The following EPHA1 variants were observed in gnomAD, a reference collection of about 807,000 sequenced individuals.
EPHA1 encodes the protein ephrin type-A receptor 1.
A neutral mutation model predicts 110.1 loss-of-function variants in EPHA1; 92 were observed. That is an observed-to-expected ratio of 0.84 (90% CI 0.71 to 0.99). EPHA1 has a LOEUF of 0.99. Among genes scored for constraint, EPHA1 ranks in the 50% least tolerant of loss-of-function variants. EPHA1 has a pLI of 0.00. For synonymous variants in EPHA1, 500 were observed against 516.1 expected, an observed-to-expected ratio of 0.97 and a Z score of 0.42; for missense variants, 1,204 against 1,285.4, an observed-to-expected ratio of 0.94 and a Z score of 0.97.
Position 143,408,785 on chromosome 7 carries a change from C to T in EPHA1, c.21G>A (p.Leu7=). 2.5e-6 allele frequency: 3 copies of T among 1,222,666 alleles called. No individual in the cohort carries two copies. The highest frequency in any genetic ancestry group is 3.1e-6 in the Non-Finnish European group (3 of 981,692). The allele number at this position is 1,222,666 out of a possible 1,614,324, so 75.7% of individuals were successfully genotyped here. A position where few individuals can be genotyped will look rare whatever the true frequency, so the allele number is the denominator to read the frequency against. ...AGAGCAGCAGCACCAGCCCTAGCCC[C>T]AGGGGCCAGCGCCGCTCCATAGCTC... MERRWP[L]GLGLVLLLCA... is the part of the protein sequence containing the mutation. The change falls in exon 1 of 18, where the codon CTG becomes CTA. Residue 7 remains leucine, a synonymous_variant. Transcript: ENST00000275815.
chr7:143,399,210 G>A, intron 5 of EPHA1, 48 bp downstream of exon 5: 2 of 1,584,608 alleles, frequency 1.3e-6, no homozygotes, highest in African/African-American at 1.4e-5. Context: ...TCTCAGCAAA[G>A]ATCCAGCCCC....
intron 2 of EPHA1, among the ~76,000 whole-genome samples, chr7:143,402,836 G>C (rs1805458382): frequency 6.6e-6 from 1 of 152,236 alleles, no homozygotes; most frequent in African/African-American, 2.4e-5. Context: ...TTATACCTCT[G>C]TGTGCTTATT....
At chr7:143,394,054 A>T in intron 15 of EPHA1, 140 bp downstream of exon 15, 1 of 1,300,372 alleles carries the variant, frequency 7.7e-7, no homozygotes, top group Non-Finnish European at 1.1e-6. Flanking sequence ...GAGGTGAAGA[A>T]CCAGAGGAGC....
chr7:143,397,241 A>C, intron 10 of EPHA1, 63 bp downstream of exon 10: 2 of 1,501,364 alleles, frequency 1.3e-6, no homozygotes, highest in South Asian at 1.2e-5. Context: ...CCCAACACAC[A>C]CACACACGCA....
rs760048766 is a variant in EPHA1 at position 143,393,841 on chromosome 7, C to T, written c.2526G>A (p.Gly842=). 3 of 1,575,906 alleles carry T rather than the reference C, an allele frequency of 1.9e-6. No individual in the cohort carries two copies. The highest frequency in any genetic ancestry group is 2.7e-5 in the African/African-American group (2 of 74,022). The part of the protein sequence containing the change: ...NQEVMKSIED[G]YRLPPPVDCP... ...AGTCCACAGGAGGGGGCAACCGGTA[C>T]CCATCCTCAATGCTCTTCATAACCT... Residue 842 remains glycine (G), a synonymous_variant, in exon 16 of 18, where the codon GGG becomes GGA. Transcript: ENST00000275815. The surrounding 1 kb of genome is among the most constrained non-coding windows in gnomAD (Gnocchi z 5.6).
At chr7:143,408,583 C>G (rs927219616) in intron 1 of EPHA1, 141 bp downstream of exon 1, 4 of 376,066 alleles carry the variant, frequency 1.1e-5, no homozygotes, top group Non-Finnish European at 1.9e-5. Context: ...GATAGCCTGG[C>G]GGTCGGGCAC....
At chr7:143,392,483 T>C (rs1016036930) in intron 16 of EPHA1, among the ~76,000 whole-genome samples, 1 of 152,200 alleles carries the variant, frequency 6.6e-6, no homozygotes, top group African/African-American at 2.4e-5. Context: ...CAGAGGCCAG[T>C]TGGCCAGGCT....
At position 143,401,354 on chromosome 7, in the gene EPHA1, GCCCA is replaced by G; in HGVS notation, c.398_401del (p.Val133AlafsTer12). 1 of 1,614,078 alleles carries G rather than the reference GCCCA, an allele frequency of 6.2e-7. No individual in the cohort carries two copies. Among genetic ancestry groups the G allele is most frequent in the South Asian group, 1.1e-5 (1 of 91,072 alleles). On this transcript the variant is annotated frameshift_variant, in exon 3 of 18. Coordinates refer to ENST00000275815, the MANE Select transcript of EPHA1 (RefSeq NM_005232.5). LOFTEE classifies it high-confidence loss of function. The surrounding 1 kb of genome is among the most constrained non-coding windows in gnomAD (Gnocchi z 4.1). Reference sequence around the variant, plus strand: ...GGAACAAGGGCCGTCGGAGCTGAATGCCCACATCCTGGTCACTCTCCATGTACAG... The same window carrying G: ...GGAACAAGGGCCGTCGGAGCTGAATGCATCCTGGTCACTCTCCATGTACAG...
intron 16 of EPHA1, among the ~76,000 whole-genome samples, chr7:143,392,335 A>G (rs1369930845): frequency 6.6e-6 from 1 of 152,220 alleles, no homozygotes; most frequent in African/African-American, 2.4e-5. Context: ...CTGGGGGAAA[A>G]AATATCCAGC....
At position 143,399,782 on chromosome 7, in the gene EPHA1, G is replaced by A. The variant is rs770915770; in HGVS notation, c.704C>T (p.Ala235Val). The change falls in exon 4 of 18, where the codon GCG (alanine) becomes GTG (valine). Residue 235 changes from alanine (A) to valine (V), a missense_variant. Physicochemically the swap from Ala to Val is moderately conservative, Grantham distance 64 (BLOSUM62 0). Coordinates refer to ENST00000275815, the MANE Select transcript of EPHA1 (RefSeq NM_005232.5). ...VEVAGTCLPH[A>V]RASPRPSGAP... ...ACCTGAGGGCCTGGGGCTGGCCCGC[G>A]CGTGGGGCAAGCAGGTCCCCGCCAC... is the stretch of plus-strand genomic sequence containing the variant. 9.3e-6 allele frequency: 15 copies of A among 1,607,340 alleles called. No individual in the cohort carries two copies. Among genetic ancestry groups the A allele is most frequent in the Admixed American group, 1.7e-5 (1 of 59,210 alleles).
Position 143,398,964 on chromosome 7 carries a change from C to T in EPHA1, c.992-19G>A. The T allele has an allele frequency of 6.4e-7, 1 of 1,571,306 alleles. No homozygotes were observed. Among genetic ancestry groups the T allele is most frequent in the Non-Finnish European group, 8.6e-7 (1 of 1,158,574 alleles). On this transcript the variant is annotated intron_variant, in intron 5 of 17. Coordinates refer to ENST00000275815, the MANE Select transcript of EPHA1 (RefSeq NM_005232.5). ...GGGGGACCTGTGGGAGAAGAGGAGCCATCAGTAGAAGCCGACCTCGCTGTC... is the reference window on the plus strand; with the variant it reads ...GGGGGACCTGTGGGAGAAGAGGAGCTATCAGTAGAAGCCGACCTCGCTGTC...
chr7:143,398,599 A>G lies in EPHA1; in HGVS notation c.1336+2T>C. ...CTGTCCCAGCCCCTCTCAGCCTCTC[A>G]CCTGCATGCCCCATGCTGATGCTGA... On this transcript the variant is annotated splice_donor_variant, in intron 6 of 17. Transcript: ENST00000275815. LOFTEE classifies it high-confidence loss of function. 1.9e-6 allele frequency: 3 copies of G among 1,612,218 alleles called. No homozygotes were observed. Among genetic ancestry groups the G allele is most frequent in the Non-Finnish European group, 2.5e-6 (3 of 1,178,726 alleles).
intron 10 of EPHA1, among the ~76,000 whole-genome samples, chr7:143,396,931 C>A (rs970495660): frequency 6.6e-6 from 1 of 152,166 alleles, no homozygotes; most frequent in Non-Finnish European, 1.5e-5. Context: ...AGGTGACAAG[C>A]AAGAAGCTCA....
intron 3 of EPHA1, 102 bp from the exon 4 acceptor site, chr7:143,400,155 C>T (rs1454255476): frequency 7.3e-7 from 1 of 1,365,032 alleles, no homozygotes; most frequent in Non-Finnish European, 9.8e-7. Flanking sequence ...CAACCATGAA[C>T]ACTGAGCCTT....
chr7:143,396,324 C>CT (rs1263675029), intron 11 of EPHA1, 61 bp downstream of exon 11: 19 of 1,573,256 alleles, frequency 1.2e-5, no homozygotes, highest in Middle Eastern at 2.3e-4. Context: ...AAGGGGCCTG[C>CT]TGGTGGCTCT....
rs1163479646 is a variant in EPHA1, at chr7:143,408,817, G to A, written c.-12C>T. On this transcript the variant is annotated 5_prime_UTR_variant, in exon 1 of 18. Coordinates refer to ENST00000275815, the MANE Select transcript of EPHA1 (RefSeq NM_005232.5). ...CAGCGCCGCTCCATAGCTCCGGGCC[G>A]GGACCTGGGACAGTGGCCCGGATGG... The A allele has an allele frequency of 5.0e-6, 6 of 1,205,738 alleles. 1 individual carries two copies. The highest frequency in any genetic ancestry group is 4.2e-5 in the South Asian group (1 of 23,914). The allele number at this position is 1,205,738 out of a possible 1,614,324, so 74.7% of individuals were successfully genotyped here.
chr7:143,406,744 G>A (rs1266793132), intron 2 of EPHA1, among the ~76,000 whole-genome samples: 2 of 152,224 alleles, frequency 1.3e-5, no homozygotes, highest in Non-Finnish European at 2.9e-5. Flanking sequence ...AGAACTGACT[G>A]CAGGCGGGAG....
intron 9 of EPHA1, 42 bp from the exon 10 acceptor site, chr7:143,397,404 A>T: frequency 6.5e-7 from 1 of 1,547,564 alleles, no homozygotes; most frequent in Non-Finnish European, 8.7e-7. Context: ...CCCCAGGACC[A>T]CCTCAGGGGT....
rs1008251277 is a variant in EPHA1 at position 143,393,855 on chromosome 7, T to C, written c.2512A>G (p.Ser838Gly). 1 of 1,564,442 alleles carries C rather than the reference T, an allele frequency of 6.4e-7. No homozygotes were observed. Reference protein sequence around the residue: ...GEMSNQEVMKSIEDGYRLPPP... With the variant: ...GEMSNQEVMKGIEDGYRLPPP... ...GGCAACCGGTACCCATCCTCAATGC[T>C]CTTCATAACCTGCACGGCGGGACAG... Residue 838 changes from serine to glycine, a missense_variant, in exon 16 of 18, where the codon AGC (serine) becomes GGC (glycine). Physicochemically the swap from Ser to Gly is moderately conservative, Grantham distance 56 (BLOSUM62 0). Transcript: ENST00000275815. The surrounding 1 kb of genome is among the most constrained non-coding windows in gnomAD (Gnocchi z 5.6).
Sources: allele counts gnomAD v4.1 joint callset (sites outside exome capture counted in the v4.1 genomes callset), GRCh38; gene constraint gnomAD v4.1.1; non-coding constraint Gnocchi (gnomAD v3.1); transcripts MANE v1.5; gene names NCBI Gene and HGNC (gene_info 2026-07-23, HGNC 2026-07-21).